WWOX: variants seen among roughly 807,000 people sequenced by gnomAD.
WWOX encodes the protein WW domain-containing oxidoreductase.
Under a neutral mutation model 46.2 loss-of-function variants are expected in WWOX, and 69 were observed. That is an observed-to-expected ratio of 1.49 (90% confidence interval 1.23 to 1.82). The LOEUF (loss-of-function observed/expected upper bound fraction) is 1.82, where lower values mean the gene tolerates loss of function less well. Among genes scored for constraint, WWOX ranks in the 40% most tolerant of loss-of-function variants. WWOX has a pLI of 0.00. For missense variants in WWOX, 919 were observed against 542.6 expected, an observed-to-expected ratio of 1.69 and a Z score of -6.89; for synonymous variants, 359 against 202.6, an observed-to-expected ratio of 1.77 and a Z score of -6.56.
rs552509101 is a variant in WWOX, at chr16:78,161,551, A to G, written c.410-2632A>G. On this transcript the variant is annotated intron_variant, in intron 4 of 8. Coordinates refer to ENST00000566780, the MANE Select transcript of WWOX (RefSeq NM_016373.4). ...GCCCTTGAACTCTTGGACTCAGGCA[A>G]TCCCTCGACATCAGCCTTCTGAGTA... Among the ~76,000 whole-genome samples the G allele has an allele frequency of 7.9e-5, 12 of 152,100 alleles. No homozygotes were observed. The East Asian group carries it at 1.9e-3, about 25-fold the overall frequency.
chr16:79,017,929 T>A (rs1437663907), intron 8 of WWOX, among the ~76,000 whole-genome samples: 5 of 152,158 alleles, frequency 3.3e-5, no homozygotes, highest in Non-Finnish European at 7.3e-5. Context: ...GTAAAACACA[T>A]GTAAAAGTAA....
intron 8 of WWOX, among the ~76,000 whole-genome samples, chr16:78,958,609 A>G (rs188032466): frequency 2.0e-5 from 3 of 152,334 alleles, no homozygotes; most frequent in Admixed American, 2.0e-4. Flanking sequence ...CTCTCCCACT[A>G]GAAATGCGAG....
intron 8 of WWOX, among the ~76,000 whole-genome samples, chr16:78,962,228 G>A (rs2046283933): frequency 1.3e-5 from 2 of 149,270 alleles, no homozygotes; most frequent in Admixed American, 1.4e-4. Context: ...TTATGTGGAG[G>A]TGGCTTCTTT....
intron 5 of WWOX, chr16:78,355,936 A>G: frequency 4.0e-6 from 1 of 249,244 alleles, no homozygotes; most frequent in South Asian, 6.1e-5. Flanking sequence ...TTTGGATATT[A>G]AGAAATAATT....
rs539327271 is a variant in WWOX at position 78,620,527 on chromosome 16, A to T, written c.1056+187775A>T. Among the ~76,000 whole-genome samples the T allele has an allele frequency of 9.8e-4, 150 of 152,298 alleles. 1 individual carries two copies. The highest frequency in any genetic ancestry group is 1.7e-3 in the Non-Finnish European group (116 of 68,014). ...GTCATGTACCCTCTCCAGACTAGACACTAGATAGTGGGTAGGGTGGGACAG... is the reference window on the plus strand; with the variant it reads ...GTCATGTACCCTCTCCAGACTAGACTCTAGATAGTGGGTAGGGTGGGACAG... On this transcript the variant is annotated intron_variant, in intron 8 of 8. Coordinates refer to ENST00000566780, the MANE Select transcript of WWOX (RefSeq NM_016373.4).
chr16:79,037,856 C>G (rs948896783), intron 8 of WWOX, among the ~76,000 whole-genome samples: 3 of 152,132 alleles, frequency 2.0e-5, no homozygotes, highest in Non-Finnish European at 4.4e-5. Flanking sequence ...CTCCTGCCTG[C>G]TCTCTGGGTG....
At chr16:78,123,455 G>GTT (rs58409419) in intron 4 of WWOX, 8 of 65,540 alleles carry the variant, frequency 1.2e-4, no homozygotes, top group African/African-American at 3.6e-4. Flanking sequence ...TTTTTTTTTT[G>GTT]TTTTTTTTTT....
At chr16:78,729,701 G>C (rs926082709) in intron 8 of WWOX, among the ~76,000 whole-genome samples, 3 of 152,150 alleles carry the variant, frequency 2.0e-5, no homozygotes, top group African/African-American at 7.2e-5. Context: ...GTTGTGTGTA[G>C]GCACCCAGTT....
intron 8 of WWOX, among the ~76,000 whole-genome samples, chr16:78,794,565 C>G (rs930343004): frequency 5.3e-5 from 8 of 152,082 alleles, no homozygotes; most frequent in East Asian, 1.9e-4. Flanking sequence ...AGGTAATAAC[C>G]CTAATACCTC....
chr16:79,110,415 A>G (rs184516698), intron 8 of WWOX, among the ~76,000 whole-genome samples: 1 of 152,290 alleles, frequency 6.6e-6, no homozygotes, highest in Admixed American at 6.5e-5. Context: ...CTCTGAGCCC[A>G]AGGAGCAAGT....
chr16:79,148,304 T>G (rs1264277741), intron 8 of WWOX, among the ~76,000 whole-genome samples: 1 of 152,210 alleles, frequency 6.6e-6, no homozygotes, highest in Non-Finnish European at 1.5e-5. Context: ...AACATCTCAT[T>G]GTTTTAGCAC....
chr16:78,108,735 C>A (rs1219679878), intron 2 of WWOX, among the ~76,000 whole-genome samples: 4 of 152,220 alleles, frequency 2.6e-5, no homozygotes, highest in African/African-American at 9.6e-5. Context: ...TGCCTGTAAT[C>A]CCAGCACTTC....
At chr16:78,582,831 G>A (rs568927053) in intron 8 of WWOX, among the ~76,000 whole-genome samples, 3 of 152,264 alleles carry the variant, frequency 2.0e-5, no homozygotes, top group African/African-American at 7.2e-5. Flanking sequence ...GACCTGGTAT[G>A]TCTTATGTCA....
At position 78,386,895 on chromosome 16, in the gene WWOX, C is replaced by A; in HGVS notation, c.552C>A (p.Leu184=). The A allele has an allele frequency of 6.2e-7, 1 of 1,614,114 alleles. No homozygotes were observed. The highest frequency in any genetic ancestry group is 1.1e-5 in the South Asian group (1 of 91,072). ...AGGTAGAAGCAATGACCCTGGACCT[C>A]GCTCTGCTCCGTAGCGTGCAGCATT... ...KAKVEAMTLD[L]ALLRSVQHFA... The change falls in exon 6 of 9, where the codon CTC becomes CTA. Residue 184 remains leucine, a synonymous_variant. Coordinates refer to ENST00000566780, the MANE Select transcript of WWOX (RefSeq NM_016373.4).
intron 8 of WWOX, among the ~76,000 whole-genome samples, chr16:78,561,804 G>T (rs1057326847): frequency 2.6e-5 from 4 of 152,146 alleles, no homozygotes; most frequent in South Asian, 2.1e-4. Flanking sequence ...AGAGAAGAAC[G>T]CAGGGTTCCT....
At chr16:78,115,918 C>G (rs926212778) in intron 4 of WWOX, among the ~76,000 whole-genome samples, 3 of 152,184 alleles carry the variant, frequency 2.0e-5, no homozygotes, top group African/African-American at 7.2e-5. Flanking sequence ...GTCAAGTTCT[C>G]TCTGTCCTTT....
intron 8 of WWOX, among the ~76,000 whole-genome samples, chr16:78,521,025 C>T (rs1181991123): frequency 6.6e-6 from 1 of 152,158 alleles, no homozygotes; most frequent in African/African-American, 2.4e-5. Flanking sequence ...AGATTGCCTC[C>T]AGGCCCCTTC....
chr16:78,346,238 T>C (rs2081092272), intron 5 of WWOX, among the ~76,000 whole-genome samples: 1 of 122,098 alleles, frequency 8.2e-6, no homozygotes, highest in Non-Finnish European at 2.0e-5. Context: ...TAGTACTCCA[T>C]TGTGTGGAGA....
chr16:78,675,783 G>A (rs2047583399), intron 8 of WWOX, among the ~76,000 whole-genome samples: 1 of 152,092 alleles, frequency 6.6e-6, no homozygotes, highest in South Asian at 2.1e-4. Context: ...AGACCAGCCT[G>A]GGCAACATAG....
Sources: gnomAD v4.1 joint callset for allele counts (sites outside exome capture counted in the v4.1 genomes callset) on GRCh38, gnomAD v4.1.1 for gene constraint, MANE v1.5 for transcripts, NCBI Gene and HGNC (gene_info 2026-07-23, HGNC 2026-07-21) for gene names.